Variants in ARRB1 observed in about 807,000 individuals in gnomAD.
ARRB1 encodes arrestin beta 1.
In ARRB1, 21 loss-of-function variants were observed where a neutral mutation model predicts 56.8. The ratio of observed to expected loss-of-function variants is 0.37; its 90% CI spans 0.26 to 0.53. ARRB1 has a LOEUF of 0.53. Among genes scored for constraint, ARRB1 ranks in the 20% least tolerant of loss-of-function variants. The pLI, the probability that ARRB1 is intolerant of heterozygous loss-of-function variation, is 0.88. For synonymous variants in ARRB1, 210 were observed against 218.6 expected (o/e 0.96, Z 0.35); for missense variants, 424 against 553.7 (o/e 0.77, Z 2.35).
chr11:75,321,407 T>C (rs1465484678), intron 1 of ARRB1, among the ~76,000 whole-genome samples: 1 of 151,862 alleles, frequency 6.6e-6, no homozygotes, highest in Non-Finnish European at 1.5e-5. Flanking sequence ...GTAACCCATC[T>C]CCTGTCCAGG....
chr11:75,289,399 C>T (rs1210107735), intron 2 of ARRB1, among the ~76,000 whole-genome samples: 3 of 152,236 alleles, frequency 2.0e-5, no homozygotes, highest in Non-Finnish European at 4.4e-5. Context: ...CGTATCTCCC[C>T]TCTGCCACTT....
At chr11:75,276,214 G>GA (rs5792683) in intron 10 of ARRB1, among the ~76,000 whole-genome samples, 137,635 of 151,418 alleles carry the variant, frequency 0.91, 62,888 homozygotes, top group Non-Finnish European at 0.96. Context: ...GCAGGGCCAG[G>GA]AAAAAAAAAT....
chr11:75,290,525 G>A (rs2140440327), intron 1 of ARRB1, among the ~76,000 whole-genome samples: 1 of 151,020 alleles, frequency 6.6e-6, no homozygotes, highest in African/African-American at 2.4e-5. Flanking sequence ...CAGCCCCACT[G>A]TGCCTCCGGG....
Position 75,261,190 on chromosome 11 carries a change from G to GTGTGTC in ARRB1, c.*4972_*4973insGACACA, listed in dbSNP as rs1945781449. The GTGTGTC allele has an allele frequency of 7.5e-6, 1 of 134,024 alleles. No homozygotes were observed. Among genetic ancestry groups the GTGTGTC allele is most frequent in the African/African-American group, 3.2e-5 (1 of 31,180 alleles). The allele number at this position is 134,024 out of a possible 1,614,324, so 8.3% of individuals were successfully genotyped here. On this transcript the variant is annotated 3_prime_UTR_variant, in exon 16 of 16. Coordinates refer to ENST00000420843, the MANE Select transcript of ARRB1 (RefSeq NM_004041.5). ...AACCATCAACTATGTACGTGTGTGTGTGTGTGTGTGTGTGTGTGTGTGTGT... is the reference window on the plus strand; with the variant it reads ...AACCATCAACTATGTACGTGTGTGTGTGTGTCTGTGTGTGTGTGTGTGTGTGTGTGT...
intron 1 of ARRB1, among the ~76,000 whole-genome samples, chr11:75,344,996 A>T (rs1197838658): frequency 6.6e-6 from 1 of 152,178 alleles, no homozygotes; most frequent in South Asian, 2.1e-4. Context: ...ACTCGACATC[A>T]GTCACAGTGC....
At chr11:75,327,194 CGG>C (rs1376208078) in intron 1 of ARRB1, among the ~76,000 whole-genome samples, 12 of 143,270 alleles carry the variant, frequency 8.4e-5, no homozygotes, top group Non-Finnish European at 1.5e-4. Flanking sequence ...CCCAGCTACT[CGG>C]GAGGCTGAGG....
intron 1 of ARRB1, among the ~76,000 whole-genome samples, chr11:75,347,835 C>T (rs932680685): frequency 2.0e-5 from 3 of 152,188 alleles, no homozygotes; most frequent in South Asian, 2.1e-4. Flanking sequence ...AAGGTCCAAT[C>T]GACCAGCAAG....
intron 15 of ARRB1, among the ~76,000 whole-genome samples, chr11:75,266,539 CTT>C (rs1164057225): frequency 6.6e-6 from 1 of 152,180 alleles, no homozygotes; most frequent in Non-Finnish European, 1.5e-5. Flanking sequence ...GAATTTGACT[CTT>C]GTGCCTGAGG....
intron 1 of ARRB1, among the ~76,000 whole-genome samples, chr11:75,296,844 A>AT (rs1946761882): frequency 1.3e-5 from 2 of 151,962 alleles, no homozygotes; most frequent in African/African-American, 4.8e-5. Context: ...TGCCCAGCTA[A>AT]TTTTTTGTAT....
At chr11:75,321,166 G>A (rs1054060387) in intron 1 of ARRB1, among the ~76,000 whole-genome samples, 12 of 152,240 alleles carry the variant, frequency 7.9e-5, no homozygotes, top group Middle Eastern at 3.4e-3. Context: ...GTAAAGTTTA[G>A]GCCTCCAGGT....
intron 3 of ARRB1, among the ~76,000 whole-genome samples, chr11:75,285,482 T>C (rs1621185): frequency 0.93 from 141,646 of 152,266 alleles, 66,013 homozygotes; most frequent in African/African-American, 0.96. Context: ...CATTGTCACT[T>C]CACTGCTGGT....
At chr11:75,325,742 C>T (rs1283859357) in intron 1 of ARRB1, among the ~76,000 whole-genome samples, 1 of 152,204 alleles carries the variant, frequency 6.6e-6, no homozygotes, top group Non-Finnish European at 1.5e-5. Flanking sequence ...CCACCAAAGC[C>T]GCTCCCCAAA....
intron 1 of ARRB1, among the ~76,000 whole-genome samples, chr11:75,341,114 C>T (rs1312426536): frequency 1.3e-5 from 2 of 151,920 alleles, no homozygotes; most frequent in African/African-American, 4.8e-5. Context: ...CTGAGATCCA[C>T]CCTCAGTCTT....
intron 13 of ARRB1, among the ~76,000 whole-genome samples, chr11:75,270,552 G>A (rs1292841740): frequency 2.6e-5 from 4 of 151,972 alleles, no homozygotes; most frequent in African/African-American, 7.3e-5. Flanking sequence ...GCTTGAACCT[G>A]GGAGGCAGAG....
intron 1 of ARRB1, among the ~76,000 whole-genome samples, chr11:75,316,568 T>C (rs1377592319): frequency 6.6e-6 from 1 of 151,818 alleles, no homozygotes; most frequent in Non-Finnish European, 1.5e-5. Context: ...GAACCTGCCA[T>C]GAAACATCTC....
intron 10 of ARRB1, 83 bp downstream of exon 10, chr11:75,276,755 AC>A: frequency 1.4e-6 from 2 of 1,424,082 alleles, no homozygotes; most frequent in African/African-American, 1.4e-5. Flanking sequence ...GAGAAGAGCC[AC>A]CTGGACCTGT....
At chr11:75,348,806 T>G (rs1947808977) in intron 1 of ARRB1, among the ~76,000 whole-genome samples, 1 of 152,048 alleles carries the variant, frequency 6.6e-6, no homozygotes, top group Non-Finnish European at 1.5e-5. Flanking sequence ...CCCAGACTGG[T>G]CTCGAACTCC....
intron 1 of ARRB1, among the ~76,000 whole-genome samples, chr11:75,332,803 G>A (rs1228481917): frequency 6.6e-6 from 1 of 152,092 alleles, no homozygotes; most frequent in Non-Finnish European, 1.5e-5. Flanking sequence ...GCTGAGGCAG[G>A]AGAATCACTT....
Position 75,270,912 on chromosome 11 carries a change from TC to T in ARRB1, c.1022+788del, listed in dbSNP as rs1476144268. The T allele has an allele frequency of 2.0e-5, 3 of 152,136 alleles. No homozygotes were observed. The East Asian group carries it at 5.8e-4, about 29-fold the overall frequency. The allele number at this position is 152,136 out of a possible 1,614,324, so 9.4% of individuals were successfully genotyped here. A position where few individuals can be genotyped will look rare whatever the true frequency, so the allele number is the denominator to read the frequency against. ...CTGTCAGAGCTATTTGGCCTTTTTT[TC>T]CTTCTCTTTTTTTTTTCCTTTTGCT... On this transcript the variant is annotated intron_variant, in intron 13 of 15. Transcript: ENST00000420843.
Sources: allele counts gnomAD v4.1 joint callset (sites outside exome capture counted in the v4.1 genomes callset), GRCh38; gene constraint gnomAD v4.1.1; transcripts MANE v1.5; gene names NCBI Gene and HGNC (gene_info 2026-07-23, HGNC 2026-07-21).